The following QTMAN variants were observed in gnomAD, a reference collection of about 807,000 sequenced individuals.
QTMAN encodes the protein tRNA-queuosine alpha-mannosyltransferase.
At chr2:144,231,766 T>C in the QTMAN span, among the ~76,000 whole-genome samples, 133 of 151,848 alleles carry the variant, frequency 8.8e-4, 2 homozygotes, top group East Asian at 0.023. Flanking sequence ...ATTAAACCAC[T>C]GCAGAAAGTG....
the QTMAN span, among the ~76,000 whole-genome samples, chr2:144,068,947 T>C: frequency 6.6e-6 from 1 of 152,298 alleles, no homozygotes; most frequent in Non-Finnish European, 1.5e-5. Flanking sequence ...CTTTATCATT[T>C]AGTATTCCTA....
the QTMAN span, among the ~76,000 whole-genome samples, chr2:144,177,795 T>G: frequency 6.6e-6 from 1 of 152,190 alleles, no homozygotes; most frequent in Admixed American, 6.6e-5. Context: ...TTTTCAATTT[T>G]CTGGTAGCCA....
At chr2:143,994,132 A>G in the QTMAN span, among the ~76,000 whole-genome samples, 1 of 152,200 alleles carries the variant, frequency 6.6e-6, no homozygotes, top group African/African-American at 2.4e-5. Flanking sequence ...AGAATGCCCT[A>G]TATCAGGTTT....
the QTMAN span, among the ~76,000 whole-genome samples, chr2:144,227,002 T>TGGA: frequency 6.6e-6 from 1 of 152,138 alleles, no homozygotes; most frequent in Admixed American, 6.5e-5. Context: ...GACATGAAAT[T>TGGA]CTATAGTACA....
chr2:144,015,193 G>A, the QTMAN span, among the ~76,000 whole-genome samples: 1 of 152,026 alleles, frequency 6.6e-6, no homozygotes, highest in African/African-American at 2.4e-5. Context: ...AGCCATCCTT[G>A]CTAACATATG....
At chr2:144,222,485 AC>A in the QTMAN span, among the ~76,000 whole-genome samples, 1 of 152,040 alleles carries the variant, frequency 6.6e-6, no homozygotes, top group Admixed American at 6.6e-5. Flanking sequence ...TTCTAGTTGC[AC>A]ACTTAATTTC....
the QTMAN span, among the ~76,000 whole-genome samples, chr2:144,161,640 A>C: frequency 2.6e-5 from 4 of 152,312 alleles, no homozygotes; most frequent in Admixed American, 2.6e-4. Context: ...ATAAATTGTA[A>C]ATGAAAAATC....
the QTMAN span, among the ~76,000 whole-genome samples, chr2:144,133,290 T>C: frequency 1.5e-5 from 1 of 65,514 alleles, no homozygotes; most frequent in East Asian, 4.5e-4. Context: ...TATACATATA[T>C]AAATATATAT....
chr2:144,104,678 G>A, the QTMAN span, among the ~76,000 whole-genome samples: 2 of 152,226 alleles, frequency 1.3e-5, no homozygotes, highest in African/African-American at 4.8e-5. Flanking sequence ...TCCACCTCTG[G>A]GGGCAGGGCA....
chr2:144,033,538 C>A, the QTMAN span, among the ~76,000 whole-genome samples: 1 of 152,172 alleles, frequency 6.6e-6, no homozygotes, highest in East Asian at 1.9e-4. Context: ...GAAAGCTTTC[C>A]AAACCCTGTC....
the QTMAN span, among the ~76,000 whole-genome samples, chr2:144,217,910 T>C: frequency 6.6e-6 from 1 of 152,350 alleles, no homozygotes; most frequent in African/African-American, 2.4e-5. Flanking sequence ...AGTATTTCTG[T>C]GTACTTATCA....
the QTMAN span, among the ~76,000 whole-genome samples, chr2:144,202,171 T>C: frequency 1.3e-5 from 2 of 152,162 alleles, no homozygotes; most frequent in East Asian, 3.8e-4. Flanking sequence ...AAGAGGGTAG[T>C]TGGCCAAATG....
At chr2:144,217,079 C>T in the QTMAN span, among the ~76,000 whole-genome samples, 2 of 152,156 alleles carry the variant, frequency 1.3e-5, no homozygotes, top group South Asian at 4.2e-4. Context: ...AGTCTTCCAC[C>T]TTCTTGAAAT....
chr2:143,957,308 T>C, the QTMAN span: 1 of 1,600,366 alleles, frequency 6.2e-7, no homozygotes, highest in Non-Finnish European at 8.5e-7. Flanking sequence ...AGACAGAAGA[T>C]CCCAATGCCT....
chr2:144,176,916 A>C, the QTMAN span, among the ~76,000 whole-genome samples: 1 of 152,194 alleles, frequency 6.6e-6, no homozygotes, highest in South Asian at 2.1e-4. Context: ...CAGGCTATAC[A>C]GGAAGCATGG....
the QTMAN span, among the ~76,000 whole-genome samples, chr2:144,294,141 C>T: frequency 3.3e-5 from 5 of 152,120 alleles, no homozygotes; most frequent in South Asian, 2.1e-4. Flanking sequence ...GCCCTCCCTG[C>T]GCTATTTCTT....
the QTMAN span, among the ~76,000 whole-genome samples, chr2:143,954,760 T>C: frequency 1.3e-5 from 2 of 152,088 alleles, no homozygotes; most frequent in African/African-American, 4.8e-5. Flanking sequence ...AAGTTTCTCA[T>C]TTTATTTTTT....
the QTMAN span, among the ~76,000 whole-genome samples, chr2:144,002,453 G>A: frequency 2.0e-5 from 3 of 151,904 alleles, no homozygotes; most frequent in African/African-American, 7.2e-5. Context: ...GTCACTCAAG[G>A]AGAAACAAGT....
the QTMAN span, among the ~76,000 whole-genome samples, chr2:144,293,242 A>T: frequency 6.6e-6 from 1 of 152,212 alleles, no homozygotes; most frequent in South Asian, 2.1e-4. Flanking sequence ...TGCATGTAGT[A>T]TACAGATACA....
Sources: gnomAD v4.1 joint callset for allele counts (sites outside exome capture counted in the v4.1 genomes callset) on GRCh38, gnomAD v4.1.1 for gene constraint, MANE v1.5 for transcripts, NCBI Gene and HGNC (gene_info 2026-07-23, HGNC 2026-07-21) for gene names.